PDE1A: variants seen among roughly 807,000 people sequenced by gnomAD.
PDE1A encodes the protein phosphodiesterase 1A.
A neutral mutation model predicts 61.7 loss-of-function variants in PDE1A; 35 were observed. That is an observed-to-expected ratio of 0.57 (90% CI 0.43 to 0.75). The LOEUF is 0.75. PDE1A is among the 30% of genes least tolerant of loss of function. The pLI is 0.00. For missense variants in PDE1A, 597 were observed against 630.6 expected (o/e 0.95, Z 0.57); for synonymous variants, 232 against 213.2 (o/e 1.09, Z -0.77).
intron 2 of PDE1A, among the ~76,000 whole-genome samples, chr2:182,447,170 T>C (rs1159225987): frequency 6.6e-6 from 1 of 151,802 alleles, no homozygotes; most frequent in African/African-American, 2.4e-5. Flanking sequence ...ATATTTTAAA[T>C]ATCACTGTTT....
At chr2:182,281,716 T>G (rs1693818687) in intron 1 of PDE1A, among the ~76,000 whole-genome samples, 1 of 151,956 alleles carries the variant, frequency 6.6e-6, no homozygotes, top group Non-Finnish European at 1.5e-5. Flanking sequence ...ATTTCATTAT[T>G]TTTTTAATTT....
the PDE1A span, among the ~76,000 whole-genome samples, chr2:182,664,823 G>A: frequency 6.4e-4 from 97 of 152,226 alleles, no homozygotes; most frequent in African/African-American, 2.3e-3. Flanking sequence ...TAGCCAAAGT[G>A]ATTTCTGTTT....
intron 6 of PDE1A, among the ~76,000 whole-genome samples, chr2:182,227,088 AC>A (rs1348201244): frequency 6.6e-6 from 1 of 151,990 alleles, no homozygotes; most frequent in African/African-American, 2.4e-5. Flanking sequence ...AGGAATGCAA[AC>A]CCAAATCTGT....
chr2:182,396,099 C>T (rs974919549), intron 1 of PDE1A, among the ~76,000 whole-genome samples: 2 of 152,250 alleles, frequency 1.3e-5, no homozygotes, highest in African/African-American at 2.4e-5. Flanking sequence ...ATGGTCTCCA[C>T]TCTTGCCACC....
At chr2:182,229,850 T>C (rs1173430778) in intron 6 of PDE1A, among the ~76,000 whole-genome samples, 156 bp downstream of exon 6, 2 of 152,018 alleles carry the variant, frequency 1.3e-5, no homozygotes, top group Non-Finnish European at 2.9e-5. Flanking sequence ...ATGTGTATTA[T>C]AACACATTAA....
chr2:182,197,481 G>A (rs1024666324), intron 10 of PDE1A, among the ~76,000 whole-genome samples: 5 of 150,058 alleles, frequency 3.3e-5, no homozygotes, highest in Non-Finnish European at 3.0e-5. Flanking sequence ...ACCTACCCCC[G>A]AGATTAGAGA....
chr2:182,420,611 T>C, intron 1 of PDE1A, among the ~76,000 whole-genome samples: 1 of 152,324 alleles, frequency 6.6e-6, no homozygotes, highest in Middle Eastern at 3.4e-3. Context: ...ACAATTAATA[T>C]TTAAATATCT....
intron 1 of PDE1A, among the ~76,000 whole-genome samples, chr2:182,298,250 G>A (rs936917048): frequency 1.7e-4 from 26 of 152,188 alleles, no homozygotes; most frequent in Admixed American, 2.0e-4. Flanking sequence ...TTGGGCGGCT[G>A]TTGATAAGTG....
At chr2:182,310,954 C>G (rs768177121) in intron 1 of PDE1A, among the ~76,000 whole-genome samples, 1 of 152,272 alleles carries the variant, frequency 6.6e-6, no homozygotes, top group South Asian at 2.1e-4. Context: ...GCCACATAAG[C>G]GCTCTGCTTC....
chr2:182,477,845 T>C (rs1440730537), intron 2 of PDE1A, among the ~76,000 whole-genome samples: 2 of 151,962 alleles, frequency 1.3e-5, no homozygotes, highest in African/African-American at 2.4e-5. Context: ...CTGTATGATA[T>C]AGCTCACAAC....
chr2:182,583,382 T>A, the PDE1A span, among the ~76,000 whole-genome samples: 3 of 152,224 alleles, frequency 2.0e-5, no homozygotes. Context: ...ATCTGAAACA[T>A]CTGGCTTTTC....
chr2:182,496,010 A>G (rs554086672), intron 2 of PDE1A, among the ~76,000 whole-genome samples: 96 of 152,374 alleles, frequency 6.3e-4, no homozygotes, highest in Non-Finnish European at 1.2e-3. Flanking sequence ...TACAACAGAT[A>G]TAAGTCCTCT....
the PDE1A span, among the ~76,000 whole-genome samples, chr2:182,531,495 C>T: frequency 1.3e-5 from 2 of 151,640 alleles, no homozygotes; most frequent in African/African-American, 4.8e-5. Flanking sequence ...AGGGCATAGC[C>T]TAAAGATAAA....
intron 1 of PDE1A, among the ~76,000 whole-genome samples, chr2:182,378,157 TA>T (rs1464937933): frequency 6.6e-6 from 1 of 152,160 alleles, no homozygotes; most frequent in Admixed American, 6.5e-5. Context: ...AGACATTTTT[TA>T]AAAAGAATCA....
intron 2 of PDE1A, among the ~76,000 whole-genome samples, chr2:182,495,206 G>A (rs73975039): frequency 0.085 from 12,891 of 152,212 alleles, 1,779 homozygotes; most frequent in African/African-American, 0.29. Context: ...TCCAGTCACA[G>A]TCTCTTGGCT....
At chr2:182,154,846 C>T (rs1286180828) in intron 13 of PDE1A, among the ~76,000 whole-genome samples, 3 of 152,042 alleles carry the variant, frequency 2.0e-5, no homozygotes, top group Non-Finnish European at 4.4e-5. Context: ...TCTCAATTTA[C>T]AAGTTAAAAA....
chr2:182,690,157 G>A, the PDE1A span, among the ~76,000 whole-genome samples: 3 of 152,046 alleles, frequency 2.0e-5, no homozygotes, highest in African/African-American at 7.2e-5. Context: ...AGAAAAAGAG[G>A]GAATCCTCCC....
chr2:182,206,344 G>T lies in PDE1A; in HGVS notation c.777-279C>A, dbSNP rs532063836. On this transcript the variant is annotated intron_variant, in intron 7 of 13. Transcript: ENST00000351439. ...CCACACATGCGTAACCTCCCCCATT[G>T]TCAACATCCCCAACAAGAGTGGTAT... Among the ~76,000 whole-genome samples, 9 of 152,178 alleles carry T rather than the reference G, an allele frequency of 5.9e-5. No homozygotes were observed. In the South Asian group the frequency reaches 1.7e-3, roughly 28 times the overall value.
rs34087191 is a variant in PDE1A at position 182,317,252 on chromosome 2, CTTTTT to C, written c.54-52843_54-52839del. 7.1e-3 allele frequency among the ~76,000 whole-genome samples: 1,010 copies of C among 142,720 alleles called. 10 individuals carry two copies. The highest frequency in any genetic ancestry group is 0.024 in the African/African-American group (949 of 39,228). The allele number at this position is 142,720 out of a possible 152,430, so 93.6% of individuals were successfully genotyped here. The stretch of plus-strand genomic sequence containing the variant: ...ATGCTCTTGGAACATTTCTCACAAA[CTTTTT>C]TTTTTTTTTTGAGGATAAGAGTACT... On this transcript the variant is annotated intron_variant, in intron 1 of 13. Coordinates refer to ENST00000351439, the Ensembl canonical transcript of PDE1A.
Sources: gnomAD v4.1 joint callset for allele counts (sites outside exome capture counted in the v4.1 genomes callset) on GRCh38, gnomAD v4.1.1 for gene constraint, MANE v1.5 for transcripts, NCBI Gene and HGNC (gene_info 2026-07-23, HGNC 2026-07-21) for gene names.